Variants in PLD5 observed in about 807,000 individuals in gnomAD.
The protein encoded by PLD5 is inactive phospholipase D5.
PLD5 carries 36 observed loss-of-function variants against 61.1 expected under a neutral mutation model. The ratio of observed to expected loss-of-function variants is 0.59; its 90% confidence interval spans 0.45 to 0.78. PLD5 has a LOEUF of 0.78. PLD5 is among the 30% of genes least tolerant of loss of function. The pLI is 0.00. For missense variants in PLD5, 515 were observed against 644.4 expected (o/e 0.80, Z 2.17); for synonymous variants, 243 against 242.8 (o/e 1.00, Z -0.01).
chr1:242,451,183 C>T (rs1666762801), intron 1 of PLD5, among the ~76,000 whole-genome samples: 1 of 152,152 alleles, frequency 6.6e-6, no homozygotes, highest in Admixed American at 6.5e-5. Flanking sequence ...CACAAGAAAT[C>T]CCCTACCGCA....
rs181932957 is a variant in PLD5 at position 242,153,785 on chromosome 1, C to A, written c.736-29120G>T. Reference sequence around the variant, plus strand: ...GTAGTATAGTTTGAAGTCAGGTAGCCTGATGCCTCCAGCTTTATTCTTTTT... The same window carrying A: ...GTAGTATAGTTTGAAGTCAGGTAGCATGATGCCTCCAGCTTTATTCTTTTT... On this transcript the variant is annotated intron_variant, in intron 5 of 9. Transcript: ENST00000536534. 6.2e-3 allele frequency among the ~76,000 whole-genome samples: 938 copies of A among 152,166 alleles called. 11 individuals carry two copies. Among genetic ancestry groups the A allele is most frequent in the African/African-American group, 0.022 (901 of 41,494 alleles).
chr1:242,407,536 A>G (rs1479737895), intron 1 of PLD5, among the ~76,000 whole-genome samples: 1 of 145,562 alleles, frequency 6.9e-6, no homozygotes, highest in Non-Finnish European at 1.5e-5. Context: ...ACACAAATAC[A>G]TAGTTTTTTT....
Position 242,207,826 on chromosome 1 carries a change from A to ATATATT in PLD5, c.735+12161_735+12162insAATATA, listed in dbSNP as rs1558343941. Among the ~76,000 whole-genome samples the ATATATT allele has an allele frequency of 2.6e-4, 12 of 46,756 alleles. 1 individual carries two copies. The highest frequency in any genetic ancestry group is 7.9e-4 in the African/African-American group (7 of 8,814). 30.7% of individuals were successfully genotyped at this position (46,756 alleles called of 152,430 possible). A position where few individuals can be genotyped will look rare whatever the true frequency, so the allele number is the denominator to read the frequency against. On this transcript the variant is annotated intron_variant, in intron 5 of 9. Transcript: ENST00000536534. Reference sequence around the variant, plus strand: ...TATATATATTTATATTTATATATTTATATATATTTATATATTTATATATAT... The same window carrying ATATATT: ...TATATATATTTATATTTATATATTTATATATTTATATATTTATATATTTATATATAT...
At chr1:242,325,115 C>T (rs371386476) in intron 2 of PLD5, among the ~76,000 whole-genome samples, 19 of 152,070 alleles carry the variant, frequency 1.2e-4, no homozygotes, top group Non-Finnish European at 7.3e-5. Context: ...GAAGAACCCA[C>T]GGGGTGGTTA....
chr1:242,165,085 A>G (rs1666205151), intron 5 of PLD5, among the ~76,000 whole-genome samples: 1 of 152,094 alleles, frequency 6.6e-6, no homozygotes, highest in Non-Finnish European at 1.5e-5. Context: ...CTCAGATGAA[A>G]TAGCTTCCCA....
In PLD5 at chr1:242,204,462, C is replaced by T. The variant is rs532094630; in HGVS notation, c.735+15526G>A. Among the ~76,000 whole-genome samples, 9 of 152,282 alleles carry T rather than the reference C, an allele frequency of 5.9e-5. 1 individual carries two copies. In the South Asian group the frequency reaches 1.2e-3, roughly 21 times the overall value. ...AACCAAGGCGTTGCTGCCCACCTTG[C>T]TGTACTGCTGACCAGGTCATATGTT... On this transcript the variant is annotated intron_variant, in intron 5 of 9. Transcript: ENST00000536534.
Position 242,084,806 on chromosome 1 carries a change from A to T in PLD5, c.*5048T>A, listed in dbSNP as rs1187929623. On this transcript the variant is annotated 3_prime_UTR_variant, in exon 10 of 10. Coordinates refer to ENST00000536534, the MANE Select transcript of PLD5 (RefSeq NM_001372062.1). ...AGAAAGAGATAGGTATAGTGTTTCA[A>T]AGATGCCTCCTTGTGTGAATATACA... 3 of 143,008 alleles carry T rather than the reference A, an allele frequency of 2.1e-5. No homozygotes were observed. The East Asian group carries it at 6.3e-4, about 30-fold the overall frequency. 8.9% of individuals were successfully genotyped at this position (143,008 alleles called of 1,614,324 possible). A position where few individuals can be genotyped will look rare whatever the true frequency, so the allele number is the denominator to read the frequency against.
chr1:242,282,979 G>A (rs1407722082), intron 3 of PLD5, among the ~76,000 whole-genome samples: 1 of 152,116 alleles, frequency 6.6e-6, no homozygotes, highest in Admixed American at 6.5e-5. Flanking sequence ...GTTTCCTTTA[G>A]CACAGAAGGA....
At chr1:242,176,334 G>A (rs917091706) in intron 5 of PLD5, among the ~76,000 whole-genome samples, 7 of 152,154 alleles carry the variant, frequency 4.6e-5, no homozygotes, top group Admixed American at 4.6e-4. Context: ...AAGCAATGGG[G>A]AAAGGATTCC....
chr1:242,308,568 C>T (rs1285098090), intron 2 of PLD5, among the ~76,000 whole-genome samples: 6 of 151,646 alleles, frequency 4.0e-5, no homozygotes, highest in African/African-American at 1.5e-4. Context: ...TGTGCATATG[C>T]ATATATACAT....
chr1:242,392,294 A>T (rs1303589335), intron 1 of PLD5, among the ~76,000 whole-genome samples: 1 of 152,116 alleles, frequency 6.6e-6, no homozygotes, highest in Non-Finnish European at 1.5e-5. Context: ...TTGAAAAACT[A>T]CTTATGGAGT....
chr1:242,170,711 A>C (rs1403617930), intron 5 of PLD5, among the ~76,000 whole-genome samples: 1 of 152,204 alleles, frequency 6.6e-6, no homozygotes, highest in Non-Finnish European at 1.5e-5. Flanking sequence ...GAAGAATGTA[A>C]ATGACCCGAT....
chr1:242,276,074 A>T (rs1574653269), intron 3 of PLD5, among the ~76,000 whole-genome samples: 1 of 152,274 alleles, frequency 6.6e-6, no homozygotes, highest in South Asian at 2.1e-4. Flanking sequence ...GTGCTGGCTC[A>T]TGCCTGTAAT....
In PLD5 at chr1:242,384,340, T is replaced by A. The variant is rs558290014; in HGVS notation, c.190-36098A>T. On this transcript the variant is annotated intron_variant, in intron 1 of 9. Coordinates refer to ENST00000536534, the MANE Select transcript of PLD5 (RefSeq NM_001372062.1). ...CTACAGCCACTTCCCCTCACAGGGA[T>A]CCAGACTGGATCCCAGCTTTTCCAC... Among the ~76,000 whole-genome samples the A allele has an allele frequency of 4.6e-4, 70 of 152,330 alleles. 1 individual carries two copies. Among genetic ancestry groups the A allele is most frequent in the Non-Finnish European group, 9.0e-4 (61 of 68,034 alleles).
intron 6 of PLD5, among the ~76,000 whole-genome samples, chr1:242,116,684 A>G (rs1661971667): frequency 1.3e-5 from 2 of 151,970 alleles, no homozygotes; most frequent in Admixed American, 6.6e-5. Flanking sequence ...CTGTTCCTGC[A>G]GTGATTTCCT....
chr1:242,353,998 GT>G (rs534771094), intron 1 of PLD5, among the ~76,000 whole-genome samples: 1,975 of 145,728 alleles, frequency 0.014, 42 homozygotes, highest in African/African-American at 0.047. Flanking sequence ...AACTCTAACA[GT>G]TTTTTTTTTT....
At chr1:242,290,592 G>A (rs1675300125) in intron 2 of PLD5, among the ~76,000 whole-genome samples, 1 of 152,070 alleles carries the variant, frequency 6.6e-6, no homozygotes, top group Non-Finnish European at 1.5e-5. Context: ...TACGCCACTG[G>A]CATGGAGAAA....
chr1:242,386,383 G>T (rs1002476737), intron 1 of PLD5, among the ~76,000 whole-genome samples: 1 of 152,124 alleles, frequency 6.6e-6, no homozygotes, highest in Non-Finnish European at 1.5e-5. Flanking sequence ...TAAGTGATCC[G>T]TGTGAGCATC....
In PLD5 at chr1:242,307,339, C is replaced by CGATGATGATGGT. The variant is rs1222976963; in HGVS notation, c.327-18810_327-18809insACCATCATCATC. Among the ~76,000 whole-genome samples, 4 of 75,506 alleles carry CGATGATGATGGT rather than the reference C, an allele frequency of 5.3e-5. No homozygotes were observed. In the South Asian group the frequency reaches 1.2e-3, roughly 23 times the overall value. The allele number at this position is 75,506 out of a possible 152,430, so 49.5% of individuals were successfully genotyped here. On this transcript the variant is annotated intron_variant, in intron 2 of 9. Transcript: ENST00000536534. ...AGTCACGCATTTCAAAATAGCAAAA[C>CGATGATGATGGT]GATGATGACGGTGATGATGATGGTG...
Sources: gnomAD v4.1 joint callset for allele counts (sites outside exome capture counted in the v4.1 genomes callset) on GRCh38, gnomAD v4.1.1 for gene constraint, MANE v1.5 for transcripts, NCBI Gene and HGNC (gene_info 2026-07-23, HGNC 2026-07-21) for gene names.